Variants in TMEM132B observed in about 807,000 individuals in gnomAD.
TMEM132B encodes the protein transmembrane protein 132B.
A neutral mutation model predicts 90.8 loss-of-function variants in TMEM132B; 18 were observed. The ratio of observed to expected loss-of-function variants is 0.20; its 90% CI spans 0.14 to 0.29. The LOEUF (loss-of-function observed/expected upper bound fraction) is 0.29. Among genes scored for constraint, TMEM132B ranks in the 10% least tolerant of loss-of-function variants. The pLI is 1.00. For missense variants in TMEM132B, 1,096 were observed against 1,326.8 expected (o/e 0.83, Z 2.70); for synonymous variants, 504 against 523.3 (o/e 0.96, Z 0.50).
chr12:125,511,571 C>T (rs1347083706), intron 3 of TMEM132B, among the ~76,000 whole-genome samples: 4 of 151,992 alleles, frequency 2.6e-5, no homozygotes, highest in African/African-American at 9.7e-5. Flanking sequence ...GCATCCCAGG[C>T]CGGGCACGGT....
intron 5 of TMEM132B, among the ~76,000 whole-genome samples, chr12:125,592,499 C>G (rs1885338304): frequency 6.6e-6 from 1 of 151,950 alleles, no homozygotes; most frequent in Non-Finnish European, 1.5e-5. Context: ...TGTTTCCAAA[C>G]TTGGTCTGTG....
In TMEM132B at chr12:125,598,898, A is replaced by C. The variant is rs1295949251; in HGVS notation, c.1437+14904A>C. ...AGGCTGGGGTCTTGGGGATGGCAGG[A>C]ACCAGAAAATGGATCTATGTCAGGA... On this transcript the variant is annotated intron_variant, in intron 5 of 8. Coordinates refer to ENST00000682704, the MANE Select transcript of TMEM132B (RefSeq NM_001366854.1). Among the ~76,000 whole-genome samples, 3 of 152,170 alleles carry C rather than the reference A, an allele frequency of 2.0e-5. No individual in the cohort carries two copies. The East Asian group carries it at 5.8e-4, about 29-fold the overall frequency.
chr12:125,379,858 A>G (rs1285717084), intron 2 of TMEM132B, among the ~76,000 whole-genome samples: 4 of 152,218 alleles, frequency 2.6e-5, no homozygotes, highest in Non-Finnish European at 1.5e-5. Context: ...TGCTGCCACT[A>G]CAGGTAGAGG....
At chr12:125,247,851 A>G (rs1874239998) in intron 1 of TMEM132B, among the ~76,000 whole-genome samples, 1 of 152,160 alleles carries the variant, frequency 6.6e-6, no homozygotes, top group African/African-American at 2.4e-5. Flanking sequence ...CGAAGTAGGG[A>G]CTACTCCTTG....
intron 1 of TMEM132B, among the ~76,000 whole-genome samples, chr12:125,232,563 G>T (rs1034634813): frequency 1.3e-5 from 2 of 152,040 alleles, no homozygotes; most frequent in Admixed American, 6.6e-5. Flanking sequence ...TTATAAATTG[G>T]CATTAGGAGA....
At chr12:125,455,794 G>A (rs4765254) in intron 3 of TMEM132B, among the ~76,000 whole-genome samples, 2 of 151,906 alleles carry the variant, frequency 1.3e-5, no homozygotes, top group Non-Finnish European at 2.9e-5. Flanking sequence ...TGGCCAGGGA[G>A]TTGTAAGTGG....
chr12:125,572,766 T>C (rs1884831710), intron 4 of TMEM132B, among the ~76,000 whole-genome samples: 1 of 152,226 alleles, frequency 6.6e-6, no homozygotes, highest in Non-Finnish European at 1.5e-5. Flanking sequence ...AAATAGTGAT[T>C]GCCAGGTGGT....
chr12:125,466,580 C>T (rs1593160321), intron 3 of TMEM132B, among the ~76,000 whole-genome samples: 1 of 152,074 alleles, frequency 6.6e-6, no homozygotes, highest in South Asian at 2.1e-4. Context: ...GCCAGGCTGG[C>T]GTTTCTGAAT....
At chr12:125,645,584 A>G (rs1886745568) in intron 6 of TMEM132B, among the ~76,000 whole-genome samples, 1 of 152,224 alleles carries the variant, frequency 6.6e-6, no homozygotes, top group African/African-American at 2.4e-5. Context: ...CCTCAGTTCT[A>G]TAACCTTAGG....
intron 3 of TMEM132B, among the ~76,000 whole-genome samples, chr12:125,482,153 A>G (rs1782749189): frequency 6.6e-6 from 1 of 152,268 alleles, no homozygotes. Context: ...TAAAAGCCCT[A>G]GAAGAAAACC....
At position 125,509,035 on chromosome 12, in the gene TMEM132B, C is replaced by T. The variant is rs544184904; in HGVS notation, c.1107-10404C>T. Among the ~76,000 whole-genome samples the T allele has an allele frequency of 3.9e-5, 6 of 152,166 alleles. No individual in the cohort carries two copies. The South Asian group carries it at 1.0e-3, about 26-fold the overall frequency. On this transcript the variant is annotated intron_variant, in intron 3 of 8. Transcript: ENST00000682704. ...CTGGCCTTAAGTGACCCTCCCGCCT[C>T]GGCCTCTCAACATGCTGGGATTACA...
At chr12:125,452,367 T>C (rs984101011) in intron 3 of TMEM132B, among the ~76,000 whole-genome samples, 1 of 152,226 alleles carries the variant, frequency 6.6e-6, no homozygotes, top group Non-Finnish European at 1.5e-5. Flanking sequence ...TATATCATGG[T>C]TTACTTAGCC....
At chr12:125,234,904 A>T (rs996374871) in intron 1 of TMEM132B, among the ~76,000 whole-genome samples, 3 of 152,042 alleles carry the variant, frequency 2.0e-5, no homozygotes, top group Admixed American at 1.3e-4. Context: ...GGGAGAGCTG[A>T]GGGGGCATTG....
At chr12:125,416,040 G>A (rs550813260) in intron 3 of TMEM132B, among the ~76,000 whole-genome samples, 2 of 152,194 alleles carry the variant, frequency 1.3e-5, no homozygotes, top group African/African-American at 4.8e-5. Context: ...CTTAAATATA[G>A]TTATTTTGCT....
intron 1 of TMEM132B, among the ~76,000 whole-genome samples, chr12:125,230,368 C>T (rs536662676): frequency 2.0e-5 from 3 of 152,260 alleles, no homozygotes; most frequent in Admixed American, 1.3e-4. Flanking sequence ...TCCTGGACTG[C>T]AGCGACAGCA....
intron 3 of TMEM132B, among the ~76,000 whole-genome samples, chr12:125,425,464 A>AC (rs537088528): frequency 0.011 from 1,688 of 152,302 alleles, 29 homozygotes; most frequent in African/African-American, 0.037. Flanking sequence ...ATACATTATT[A>AC]TTAAAGTCCA....
chr12:125,406,759 C>A lies in TMEM132B; in HGVS notation c.960-8772C>A, dbSNP rs1879496914. ...AGACCACCCTCACTTCTGATGCCAT[C>A]TGCAAGTCTGGAGGGTCCCCAAGAC... On this transcript the variant is annotated intron_variant, in intron 2 of 8. Transcript: ENST00000682704. The surrounding 1 kb of genome is among the most constrained non-coding windows in gnomAD (Gnocchi z 8.3). 6.6e-6 allele frequency among the ~76,000 whole-genome samples: 1 copy of A among 152,178 alleles called. No individual in the cohort carries two copies. The highest frequency in any genetic ancestry group is 2.4e-5 in the African/African-American group (1 of 41,436).
rs988048924 is a variant in TMEM132B, at chr12:125,251,988, C to T, written c.67+65122C>T. ...GAGCTGGAAGGATTTCTAGGGTGCA[C>T]CAATTTCAACCTCCCACCTAACTGG... On this transcript the variant is annotated intron_variant, in intron 1 of 8. Transcript: ENST00000682704. This position sits in a 1 kb window ranked among gnomAD's most constrained non-coding sequence, Gnocchi z 4.4. Among the ~76,000 whole-genome samples, 3 of 152,112 alleles carry T rather than the reference C, an allele frequency of 2.0e-5. No individual in the cohort carries two copies. Among genetic ancestry groups the T allele is most frequent in the Admixed American group, 2.0e-4 (3 of 15,278 alleles).
In TMEM132B at chr12:125,391,042, TG is replaced by T. The variant is rs35791192; in HGVS notation, c.960-24488del. ...TTAAAACAGATTTACTAAAGAATAG[TG>T]TGTGTGTGTGTGTGTGTGTGTGTGT... On this transcript the variant is annotated intron_variant, in intron 2 of 8. Coordinates refer to ENST00000682704, the MANE Select transcript of TMEM132B (RefSeq NM_001366854.1). Among the ~76,000 whole-genome samples, 30 of 5,576 alleles carry T rather than the reference TG, an allele frequency of 5.4e-3. No homozygotes were observed. In the African/African-American group the frequency reaches 0.056, roughly 10 times the overall value. 3.7% of individuals were successfully genotyped at this position (5,576 alleles called of 152,430 possible). A position where few individuals can be genotyped will look rare whatever the true frequency, so the allele number is the denominator to read the frequency against.
Sources: allele counts gnomAD v4.1 joint callset (sites outside exome capture counted in the v4.1 genomes callset), GRCh38; gene constraint gnomAD v4.1.1; non-coding constraint Gnocchi (gnomAD v3.1); transcripts MANE v1.5; gene names NCBI Gene and HGNC (gene_info 2026-07-23, HGNC 2026-07-21).